BACH2: variants seen among roughly 807,000 people sequenced by gnomAD.
BACH2 encodes the protein BACH transcriptional regulator 2.
A neutral mutation model predicts 61.8 loss-of-function variants in BACH2; 5 were observed. The ratio of observed to expected loss-of-function variants is 0.08; its 90% CI spans 0.04 to 0.17. The LOEUF (loss-of-function observed/expected upper bound fraction) is 0.17, where lower values mean the gene tolerates loss of function less well. Among genes scored for constraint, BACH2 ranks in the 10% least tolerant of loss-of-function variants. The pLI is 1.00. For missense variants in BACH2, 824 were observed against 1,091.1 expected, an observed-to-expected ratio of 0.76 and a Z score of 3.45; for synonymous variants, 446 against 440.1, an observed-to-expected ratio of 1.01 and a Z score of -0.17.
intron 2 of BACH2, among the ~76,000 whole-genome samples, chr6:90,268,549 T>C (rs1771420080): frequency 6.6e-6 from 1 of 152,216 alleles, no homozygotes; most frequent in South Asian, 2.1e-4. Context: ...TTATGTCTGT[T>C]GACTATAAGA....
chr6:90,172,639 T>C (rs1204679311), intron 4 of BACH2, among the ~76,000 whole-genome samples: 6 of 152,096 alleles, frequency 3.9e-5, no homozygotes, highest in African/African-American at 1.4e-4. Context: ...TGTAAGTGTA[T>C]ACCTAGCAAA....
At chr6:90,282,477 A>G (rs1771887115) in intron 1 of BACH2, among the ~76,000 whole-genome samples, 1 of 152,164 alleles carries the variant, frequency 6.6e-6, no homozygotes, top group Non-Finnish European at 1.5e-5. Context: ...CCTGCAAAGG[A>G]CATGATCTCA....
chr6:90,077,306 A>G (rs1388150344), intron 5 of BACH2, among the ~76,000 whole-genome samples: 1 of 152,174 alleles, frequency 6.6e-6, no homozygotes, highest in African/African-American at 2.4e-5. Context: ...TGGGGAATAT[A>G]TGAGTGTGTA....
At chr6:90,065,303 C>T (rs66645169) in intron 5 of BACH2, among the ~76,000 whole-genome samples, 2,974 of 68,116 alleles carry the variant, frequency 0.044, 75 homozygotes, top group Non-Finnish European at 0.071. Flanking sequence ...TTTTTTTACC[C>T]CTGAGGGCAT....
At chr6:90,253,138 G>A (rs1012522793) in intron 2 of BACH2, among the ~76,000 whole-genome samples, 1 of 152,160 alleles carries the variant, frequency 6.6e-6, no homozygotes, top group African/African-American at 2.4e-5. Flanking sequence ...CAGCTACTTG[G>A]GAGGCTGAGG....
At chr6:90,065,719 C>T (rs895622915) in intron 5 of BACH2, among the ~76,000 whole-genome samples, 7 of 152,252 alleles carry the variant, frequency 4.6e-5, no homozygotes, top group African/African-American at 1.7e-4. Flanking sequence ...TGTTTTAAGC[C>T]ACTAAATTTG....
At chr6:90,187,967 G>A (rs987248330) in intron 4 of BACH2, among the ~76,000 whole-genome samples, 7 of 152,168 alleles carry the variant, frequency 4.6e-5, no homozygotes, top group East Asian at 1.9e-4. Context: ...CTGAGGCTAC[G>A]GGTCTCACTA....
chr6:90,243,865 A>C (rs563416880), intron 3 of BACH2, among the ~76,000 whole-genome samples: 1 of 152,312 alleles, frequency 6.6e-6, no homozygotes, highest in South Asian at 2.1e-4. Flanking sequence ...GTAAAATTTC[A>C]TTGATTGGAA....
At chr6:90,148,978 C>G (rs759499939) in intron 4 of BACH2, among the ~76,000 whole-genome samples, 1 of 152,166 alleles carries the variant, frequency 6.6e-6, no homozygotes, top group Non-Finnish European at 1.5e-5. Flanking sequence ...GAACCAAATG[C>G]TTCCAGAGTG....
intron 3 of BACH2, among the ~76,000 whole-genome samples, chr6:90,241,007 G>C (rs536080035): frequency 6.6e-6 from 1 of 151,730 alleles, no homozygotes; most frequent in Admixed American, 6.6e-5. Flanking sequence ...GGTGGCGTGC[G>C]CCTGTAGTCT....
intron 4 of BACH2, among the ~76,000 whole-genome samples, chr6:90,097,522 A>AG (rs1324761620): frequency 6.6e-6 from 1 of 152,172 alleles, no homozygotes. Flanking sequence ...CCCCATACAC[A>AG]CTTTGCCCTA....
intron 4 of BACH2, among the ~76,000 whole-genome samples, chr6:90,151,930 G>A (rs1784826165): frequency 1.3e-5 from 2 of 151,976 alleles, no homozygotes; most frequent in African/African-American, 4.8e-5. Flanking sequence ...CCTTTTTTCT[G>A]CTAAAAGCCT....
intron 1 of BACH2, among the ~76,000 whole-genome samples, chr6:90,277,734 A>G (rs1478987583): frequency 6.6e-6 from 1 of 152,262 alleles, no homozygotes; most frequent in Non-Finnish European, 1.5e-5. Context: ...AAATGGAAGA[A>G]GCTTAAGAGC....
chr6:90,101,843 G>A (rs1782640424), intron 4 of BACH2, among the ~76,000 whole-genome samples: 2 of 152,170 alleles, frequency 1.3e-5, no homozygotes, highest in South Asian at 4.1e-4. Flanking sequence ...ATAGTATTCT[G>A]TAATTTTCAG....
chr6:90,296,152 T>C (rs1772369415), intron 1 of BACH2, among the ~76,000 whole-genome samples: 2 of 152,012 alleles, frequency 1.3e-5, no homozygotes, highest in South Asian at 2.1e-4. Flanking sequence ...CTTATTACTC[T>C]CTGCTCCTCC....
At chr6:90,170,554 T>G (rs1469891225) in intron 4 of BACH2, among the ~76,000 whole-genome samples, 2 of 152,214 alleles carry the variant, frequency 1.3e-5, no homozygotes, top group African/African-American at 4.8e-5. Context: ...AACTCCATTT[T>G]AGAAGACCAA....
chr6:89,962,674 T>C (rs1373659086), intron 6 of BACH2, among the ~76,000 whole-genome samples: 4 of 152,326 alleles, frequency 2.6e-5, no homozygotes, highest in African/African-American at 9.6e-5. Flanking sequence ...CCCTCCTGAA[T>C]CATCTTTCCC....
chr6:90,267,989 T>C (rs1401601038), intron 2 of BACH2, among the ~76,000 whole-genome samples: 1 of 151,534 alleles, frequency 6.6e-6, no homozygotes, highest in African/African-American at 2.4e-5. Flanking sequence ...AACAGCATTT[T>C]TTTCTGCACT....
intron 4 of BACH2, among the ~76,000 whole-genome samples, chr6:90,189,232 T>G (rs895221565): frequency 6.6e-6 from 1 of 152,180 alleles, no homozygotes; most frequent in African/African-American, 2.4e-5. Context: ...TAAGAGACAG[T>G]CTTTGTTTAA....
Sources: gnomAD v4.1 joint callset for allele counts (sites outside exome capture counted in the v4.1 genomes callset) on GRCh38, gnomAD v4.1.1 for gene constraint, MANE v1.5 for transcripts, NCBI Gene and HGNC (gene_info 2026-07-23, HGNC 2026-07-21) for gene names.